Variants in TSPEAR observed in about 807,000 individuals in gnomAD.
The protein encoded by TSPEAR is thrombospondin-type laminin G domain and EAR repeat-containing protein.
TSPEAR carries 69 observed loss-of-function variants against 71.6 expected under a neutral mutation model. That is an observed-to-expected ratio of 0.96 (90% confidence interval 0.79 to 1.18). TSPEAR has a LOEUF of 1.18. Among genes scored for constraint, TSPEAR ranks in the 50% most tolerant of loss-of-function variants. The pLI is 0.00. For missense variants in TSPEAR, 971 were observed against 894.9 expected, an observed-to-expected ratio of 1.09 and a Z score of -1.09; for synonymous variants, 402 against 387.2, an observed-to-expected ratio of 1.04 and a Z score of -0.45.
intron 1 of TSPEAR, chr21:44,702,287 G>C: frequency 6.2e-7 from 1 of 1,609,280 alleles, no homozygotes; most frequent in East Asian, 2.2e-5. Context: ...GAGCCCCCCT[G>C]CTGCGCCGCC....
chr21:44,622,334 C>T (rs1291633397), intron 1 of TSPEAR, among the ~76,000 whole-genome samples: 1 of 152,196 alleles, frequency 6.6e-6, no homozygotes, highest in Admixed American at 6.5e-5. Context: ...TGCTTTACTG[C>T]TTTTGGATCT....
intron 9 of TSPEAR, among the ~76,000 whole-genome samples, chr21:44,512,242 C>G (rs2052407216): frequency 6.8e-6 from 1 of 146,790 alleles, no homozygotes; most frequent in Admixed American, 7.0e-5. Flanking sequence ...CCGGAGGAGG[C>G]TTTTGAGCAG....
intron 1 of TSPEAR, chr21:44,647,270 C>G (rs369444628): frequency 1.2e-6 from 2 of 1,602,482 alleles, no homozygotes; most frequent in Non-Finnish European, 1.7e-6. Flanking sequence ...TGCCGCCCGG[C>G]CTCCTGCGTG....
intron 9 of TSPEAR, among the ~76,000 whole-genome samples, chr21:44,516,806 T>C (rs1220876118): frequency 6.6e-6 from 1 of 152,024 alleles, no homozygotes; most frequent in Non-Finnish European, 1.5e-5. Context: ...TCCTTGGACC[T>C]GTGATCTATG....
chr21:44,630,004 G>A (rs1251107047), intron 1 of TSPEAR, among the ~76,000 whole-genome samples: 1 of 152,176 alleles, frequency 6.6e-6, no homozygotes, highest in Non-Finnish European at 1.5e-5. Flanking sequence ...TCTTGCACAG[G>A]CTTCCTGAGT....
At chr21:44,512,803 T>C (rs1237391074) in intron 9 of TSPEAR, among the ~76,000 whole-genome samples, 1 of 152,048 alleles carries the variant, frequency 6.6e-6, no homozygotes, top group African/African-American at 2.4e-5. Context: ...GGCATGGAGG[T>C]CTGTCCAGGG....
intron 1 of TSPEAR, among the ~76,000 whole-genome samples, chr21:44,595,221 C>A (rs1474779828): frequency 6.6e-6 from 1 of 152,168 alleles, no homozygotes; most frequent in Non-Finnish European, 1.5e-5. Context: ...CTGTATCTCT[C>A]CATCTCTCTC....
intron 2 of TSPEAR, among the ~76,000 whole-genome samples, chr21:44,555,221 C>T (rs587763478): frequency 1.4e-4 from 22 of 152,278 alleles, no homozygotes; most frequent in Admixed American, 3.9e-4. Flanking sequence ...CCTGATGTTT[C>T]CTATTAGATG....
intron 1 of TSPEAR, among the ~76,000 whole-genome samples, chr21:44,633,983 G>A (rs782188980): frequency 8.5e-5 from 13 of 152,226 alleles, no homozygotes; most frequent in Middle Eastern, 3.4e-3. Flanking sequence ...GATGGCTTAT[G>A]CCTGTAATCC....
rs371844799 is a variant in TSPEAR at position 44,552,449 on chromosome 21, C to T, written c.303+15336G>A. ...CCTCTTTCAGCTGGGGATGAGGCTACGGCAGCCTGGGACGGGCTTTCATGG... is the reference window on the plus strand; with the variant it reads ...CCTCTTTCAGCTGGGGATGAGGCTATGGCAGCCTGGGACGGGCTTTCATGG... On this transcript the variant is annotated intron_variant, in intron 2 of 11. Coordinates refer to ENST00000323084, the MANE Select transcript of TSPEAR (RefSeq NM_144991.3). Among the ~76,000 whole-genome samples the T allele has an allele frequency of 7.4e-4, 112 of 152,232 alleles. No homozygotes were observed. In the Middle Eastern group the frequency reaches 0.014, roughly 18 times the overall value.
chr21:44,708,828 C>G (rs1988070393), intron 1 of TSPEAR, among the ~76,000 whole-genome samples: 1 of 152,242 alleles, frequency 6.6e-6, no homozygotes, highest in Non-Finnish European at 1.5e-5. Context: ...GGCCAAGTTG[C>G]CAGCTCCGTG....
Position 44,671,266 on chromosome 21 carries a change from G to A in TSPEAR, c.82+40167C>T, listed in dbSNP as rs587658383. 3.3e-4 allele frequency among the ~76,000 whole-genome samples: 51 copies of A among 152,334 alleles called. No homozygotes were observed. In the Middle Eastern group the frequency reaches 0.02, roughly 61 times the overall value. On this transcript the variant is annotated intron_variant, in intron 1 of 11. Coordinates refer to ENST00000323084, the MANE Select transcript of TSPEAR (RefSeq NM_144991.3). ...AGTGCTGTCTGAGAGCCCAAAGGCT[G>A]TCCCACCATTGCTACTACCATCATC... is the stretch of plus-strand genomic sequence containing the variant.
Position 44,638,304 on chromosome 21 carries a change from G to C in TSPEAR, c.83-70299C>G, listed in dbSNP as rs980910657. 53 of 953,332 alleles carry C rather than the reference G, an allele frequency of 5.6e-5. 2 individuals are homozygous for C. Among genetic ancestry groups the C allele is most frequent in the Non-Finnish European group, 7.7e-5 (52 of 677,454 alleles). 59.1% of individuals were successfully genotyped at this position (953,332 alleles called of 1,614,324 possible). A position where few individuals can be genotyped will look rare whatever the true frequency, so the allele number is the denominator to read the frequency against. The stretch of plus-strand genomic sequence containing the variant: ...GGCTCTTTGTCTTGGGGACCAGGAT[G>C]CTCCCCCAGTCCTTCCCAGATGATG... On this transcript the variant is annotated intron_variant, in intron 1 of 11. Coordinates refer to ENST00000323084, the MANE Select transcript of TSPEAR (RefSeq NM_144991.3).
intron 1 of TSPEAR, among the ~76,000 whole-genome samples, chr21:44,708,755 A>T (rs1222780407): frequency 2.0e-5 from 3 of 152,186 alleles, no homozygotes; most frequent in Middle Eastern, 3.4e-3. Context: ...CCTCCTGGAC[A>T]CCTGCAGGGC....
intron 1 of TSPEAR, among the ~76,000 whole-genome samples, chr21:44,577,147 G>A (rs1186286559): frequency 6.6e-6 from 1 of 152,238 alleles, no homozygotes; most frequent in Non-Finnish European, 1.5e-5. Flanking sequence ...AAAGCATGTA[G>A]AGGAAAATGC....
chr21:44,668,677 G>C (rs1985909515), intron 1 of TSPEAR, among the ~76,000 whole-genome samples: 1 of 152,140 alleles, frequency 6.6e-6, no homozygotes, highest in Non-Finnish European at 1.5e-5. Flanking sequence ...TGTGGTACTG[G>C]CATAAAGACC....
At chr21:44,654,811 A>G (rs1420773404) in intron 1 of TSPEAR, among the ~76,000 whole-genome samples, 1 of 150,374 alleles carries the variant, frequency 6.7e-6, no homozygotes, top group African/African-American at 2.5e-5. Flanking sequence ...AGTTCAGGAA[A>G]CTCTTTCAGC....
chr21:44,504,511 C>T (rs2052148440), intron 11 of TSPEAR, among the ~76,000 whole-genome samples: 1 of 145,634 alleles, frequency 6.9e-6, no homozygotes, highest in Non-Finnish European at 1.5e-5. Flanking sequence ...GGAAGCAAGG[C>T]TCTGGGAGGA....
At chr21:44,555,335 C>T (rs587720308) in intron 2 of TSPEAR, among the ~76,000 whole-genome samples, 1 of 152,180 alleles carries the variant, frequency 6.6e-6, no homozygotes, top group African/African-American at 2.4e-5. Flanking sequence ...CCAGGTCCGA[C>T]GGCTGCCGGG....
Sources: gnomAD v4.1 joint callset for allele counts (sites outside exome capture counted in the v4.1 genomes callset) on GRCh38, gnomAD v4.1.1 for gene constraint, MANE v1.5 for transcripts, NCBI Gene and HGNC (gene_info 2026-07-23, HGNC 2026-07-21) for gene names.